Variants in ANP32A observed in about 807,000 individuals in gnomAD.
ANP32A encodes acidic leucine-rich nuclear phosphoprotein 32 family member A.
A neutral mutation model predicts 33.9 loss-of-function variants in ANP32A; 1 was observed. The observed-to-expected ratio is 0.03, with a 90% confidence interval of 0.01 to 0.14. The LOEUF (loss-of-function observed/expected upper bound fraction) is 0.14, where lower values mean the gene tolerates loss of function less well. Among genes scored for constraint, ANP32A ranks in the 10% least tolerant of loss-of-function variants. The pLI is 1.00. For missense variants in ANP32A, 155 were observed against 306.0 expected, an observed-to-expected ratio of 0.51 and a Z score of 3.68; for synonymous variants, 115 against 120.5, an observed-to-expected ratio of 0.95 and a Z score of 0.30.
At chr15:68,811,094 C>T (rs566536259) in intron 1 of ANP32A, among the ~76,000 whole-genome samples, 3 of 150,868 alleles carry the variant, frequency 2.0e-5, no homozygotes, top group African/African-American at 7.3e-5. Context: ...ATGCTGAATC[C>T]CGCCACTGAG....
At position 68,780,720 on chromosome 15, in the gene ANP32A, G is replaced by T; in HGVS notation, c.625-247C>A. ...AATGTCCGTATCATTTATAATATTT[G>T]CAAGCAGTTTCAGGGGGTTATGGAT... On this transcript the variant is annotated intron_variant, in intron 5 of 6. Coordinates refer to ENST00000465139, the MANE Select transcript of ANP32A (RefSeq NM_006305.4). This position sits in a 1 kb window ranked among gnomAD's most constrained non-coding sequence, Gnocchi z 4.3. 1 of 522,992 alleles carries T rather than the reference G, an allele frequency of 1.9e-6. No homozygotes were observed. The highest frequency in any genetic ancestry group is 3.1e-6 in the Non-Finnish European group (1 of 320,600). 32.4% of individuals were successfully genotyped at this position (522,992 alleles called of 1,614,324 possible).
At chr15:68,797,274 G>A (rs1475223870) in intron 1 of ANP32A, among the ~76,000 whole-genome samples, 1 of 152,052 alleles carries the variant, frequency 6.6e-6, no homozygotes, top group Non-Finnish European at 1.5e-5. Context: ...TGCCTGGGGT[G>A]GGAGGAGAGG....
intron 1 of ANP32A, among the ~76,000 whole-genome samples, chr15:68,819,408 C>G (rs1252722526): frequency 2.6e-5 from 4 of 152,248 alleles, no homozygotes; most frequent in Non-Finnish European, 5.9e-5. Flanking sequence ...CAGGGGTAAG[C>G]TTTCGCTCGA....
At position 68,780,007 on chromosome 15, in the gene ANP32A, A is replaced by T; in HGVS notation, c.*74T>A. On this transcript the variant is annotated 3_prime_UTR_variant, in exon 7 of 7. Coordinates refer to ENST00000465139, the MANE Select transcript of ANP32A (RefSeq NM_006305.4). This position sits in a 1 kb window ranked among gnomAD's most constrained non-coding sequence, Gnocchi z 4.3. ...AATAAGTTTCAGGGGGCAGGATTGGAGGGGGGGGGGAGAGGGGATATGGGT... is the reference window on the plus strand; with the variant it reads ...AATAAGTTTCAGGGGGCAGGATTGGTGGGGGGGGGGAGAGGGGATATGGGT... 1.9e-6 allele frequency: 2 copies of T among 1,060,766 alleles called. No individual in the cohort carries two copies. The highest frequency in any genetic ancestry group is 1.3e-6 in the Non-Finnish European group (1 of 766,010). 65.7% of individuals were successfully genotyped at this position (1,060,766 alleles called of 1,614,324 possible).
At chr15:68,809,780 T>C (rs917432059) in intron 1 of ANP32A, among the ~76,000 whole-genome samples, 1 of 152,168 alleles carries the variant, frequency 6.6e-6, no homozygotes, top group Non-Finnish European at 1.5e-5. Flanking sequence ...CAAGAAGGTA[T>C]AAGTACCACA....
chr15:68,789,162 C>A (rs1893969484), intron 1 of ANP32A: 1 of 152,280 alleles, frequency 6.6e-6, no homozygotes, highest in Non-Finnish European at 1.5e-5. Context: ...GTGATCCCTG[C>A]CCACACCTGG....
intron 1 of ANP32A, among the ~76,000 whole-genome samples, chr15:68,804,158 G>C (rs944568783): frequency 1.3e-5 from 2 of 152,092 alleles, no homozygotes; most frequent in Non-Finnish European, 2.9e-5. Context: ...GCTTTCCCAG[G>C]AAAAGAAATG....
chr15:68,795,187 C>T (rs1042218551), intron 1 of ANP32A, among the ~76,000 whole-genome samples: 2 of 151,384 alleles, frequency 1.3e-5, no homozygotes, highest in East Asian at 3.9e-4. Flanking sequence ...TCTGCAGCCT[C>T]AACAGTAGTA....
At chr15:68,806,823 CCA>C (rs1465405446) in intron 1 of ANP32A, among the ~76,000 whole-genome samples, 1 of 152,214 alleles carries the variant, frequency 6.6e-6, no homozygotes, top group Non-Finnish European at 1.5e-5. Flanking sequence ...GCTGTGAAGG[CCA>C]GTTTCTGACC....
intron 1 of ANP32A, among the ~76,000 whole-genome samples, 158 bp downstream of exon 1, chr15:68,820,540 A>AC (rs1894458591): frequency 7.7e-6 from 1 of 129,574 alleles, no homozygotes; most frequent in Non-Finnish European, 1.6e-5. Flanking sequence ...TGGCATTGCA[A>AC]CCCCCCAGCC....
Position 68,779,937 on chromosome 15 carries a change from C to A in ANP32A, c.*144G>T. On this transcript the variant is annotated 3_prime_UTR_variant, in exon 7 of 7. Coordinates refer to ENST00000465139, the MANE Select transcript of ANP32A (RefSeq NM_006305.4). ...ATCCCTCCCCCCGCAACCCCCAGTA[C>A]ACTCTTCCCCTCTCGTTCCCACAGC... The A allele has an allele frequency of 2.5e-6, 1 of 394,382 alleles. No homozygotes were observed. Among genetic ancestry groups the A allele is most frequent in the Non-Finnish European group, 4.6e-6 (1 of 217,210 alleles). 24.4% of individuals were successfully genotyped at this position (394,382 alleles called of 1,614,324 possible).
At chr15:68,816,216 C>T (rs1278308961) in intron 1 of ANP32A, among the ~76,000 whole-genome samples, 1 of 152,014 alleles carries the variant, frequency 6.6e-6, no homozygotes, top group African/African-American at 2.4e-5. Context: ...GGCACCACTC[C>T]AAAGCTGGAG....
At chr15:68,816,286 A>G (rs896967798) in intron 1 of ANP32A, among the ~76,000 whole-genome samples, 1 of 152,226 alleles carries the variant, frequency 6.6e-6, no homozygotes, top group Non-Finnish European at 1.5e-5. Context: ...AGGAGGCAGT[A>G]GAGTGTAGAG....
chr15:68,796,793 G>A (rs982313523), intron 1 of ANP32A, among the ~76,000 whole-genome samples: 1 of 152,120 alleles, frequency 6.6e-6, no homozygotes, highest in African/African-American at 2.4e-5. Flanking sequence ...CCACTCTCTG[G>A]GCTTCTCCTA....
intron 1 of ANP32A, chr15:68,813,075 A>G (rs1264340302): frequency 6.6e-6 from 1 of 152,232 alleles, no homozygotes; most frequent in Non-Finnish European, 1.5e-5. Context: ...ATTAGAGTAA[A>G]TAACAGTGGA....
At chr15:68,801,872 C>T (rs1479736388) in intron 1 of ANP32A, 3 of 154,640 alleles carry the variant, frequency 1.9e-5, no homozygotes, top group African/African-American at 7.2e-5. Context: ...GGGACAGGAA[C>T]AAGGCCTGAC....
chr15:68,815,408 AT>A (rs139260553), intron 1 of ANP32A, among the ~76,000 whole-genome samples: 8 of 150,272 alleles, frequency 5.3e-5, no homozygotes, highest in Non-Finnish European at 1.2e-4. Context: ...ATTGAGTACA[AT>A]TTTTTTTTTG....
chr15:68,801,007 A>C (rs1339061599), intron 1 of ANP32A, among the ~76,000 whole-genome samples: 1 of 151,560 alleles, frequency 6.6e-6, no homozygotes, highest in African/African-American at 2.4e-5. Flanking sequence ...GGAAGAAAGG[A>C]GGTGGCAGCA....
intron 1 of ANP32A, among the ~76,000 whole-genome samples, chr15:68,797,932 GGGGTGGGGTGT>G (rs1894084431): frequency 6.6e-6 from 1 of 152,350 alleles, no homozygotes; most frequent in African/African-American, 2.4e-5. Flanking sequence ...GGCTAGGGGA[GGGGTGGGGTGT>G]GGGTGGGGAA....
Sources: allele counts gnomAD v4.1 joint callset (sites outside exome capture counted in the v4.1 genomes callset), GRCh38; gene constraint gnomAD v4.1.1; non-coding constraint Gnocchi (gnomAD v3.1); transcripts MANE v1.5; gene names NCBI Gene and HGNC (gene_info 2026-07-23, HGNC 2026-07-21).